Variants in LGSN observed in about 807,000 individuals in gnomAD.
The protein encoded by LGSN is lengsin, lens protein with glutamine synthetase domain.
LGSN carries 21 observed loss-of-function variants against 19.5 expected under a neutral mutation model. The observed-to-expected ratio is 1.07, with a 90% CI of 0.76 to 1.55. The LOEUF (loss-of-function observed/expected upper bound fraction) is 1.55, where lower values mean the gene tolerates loss of function less well. Ranked by LOEUF, LGSN falls within the 40% of genes most tolerant of loss-of-function variation. The pLI is 0.00. For missense variants in LGSN, 673 were observed against 608.5 expected, an observed-to-expected ratio of 1.11 and a Z score of -1.12; for synonymous variants, 257 against 215.6, an observed-to-expected ratio of 1.19 and a Z score of -1.68.
intron 2 of LGSN, among the ~76,000 whole-genome samples, chr6:63,294,044 C>T (rs927420436): frequency 6.6e-6 from 1 of 152,132 alleles, no homozygotes; most frequent in African/African-American, 2.4e-5. Context: ...AATTTAAAAA[C>T]AGGCCAGGTG....
the LGSN span, among the ~76,000 whole-genome samples, chr6:63,530,583 A>G: frequency 9.2e-5 from 14 of 152,204 alleles, no homozygotes; most frequent in Non-Finnish European, 1.0e-4. Flanking sequence ...ATTTGTGAAC[A>G]TGGAGGCCCT....
At chr6:63,385,690 A>C in the LGSN span, among the ~76,000 whole-genome samples, 1 of 152,154 alleles carries the variant, frequency 6.6e-6, no homozygotes, top group African/African-American at 2.4e-5. Context: ...TAGACTCTCA[A>C]TTGTCCCCTA....
chr6:63,521,128 T>C, the LGSN span, among the ~76,000 whole-genome samples: 12 of 151,760 alleles, frequency 7.9e-5, no homozygotes, highest in Non-Finnish European at 1.5e-4. Flanking sequence ...GCTTAAAACC[T>C]AGATGAGGGG....
the LGSN span, among the ~76,000 whole-genome samples, chr6:63,545,228 T>C: frequency 1.3e-5 from 2 of 152,230 alleles, no homozygotes; most frequent in Non-Finnish European, 2.9e-5. Flanking sequence ...TGGAAGTCTC[T>C]TCAAGCAGAT....
chr6:63,572,465 T>C, the LGSN span: 1 of 384,916 alleles, frequency 2.6e-6, no homozygotes, highest in Non-Finnish European at 4.6e-6. Flanking sequence ...AGGGGAGGGC[T>C]TGTGACGCAA....
chr6:63,345,070 T>G, the LGSN span, among the ~76,000 whole-genome samples: 1 of 152,038 alleles, frequency 6.6e-6, no homozygotes, highest in Non-Finnish European at 1.5e-5. Flanking sequence ...AAATAAGAGA[T>G]TTACAATTGC....
At chr6:63,534,450 GAA>G in the LGSN span, among the ~76,000 whole-genome samples, 1 of 115,382 alleles carries the variant, frequency 8.7e-6, no homozygotes, top group African/African-American at 3.9e-5. Context: ...CACACACAGA[GAA>G]ACACACACAC....
At chr6:63,447,060 A>T in the LGSN span, among the ~76,000 whole-genome samples, 5 of 152,350 alleles carry the variant, frequency 3.3e-5, no homozygotes, top group Admixed American at 6.5e-5. Flanking sequence ...AAAAAAATTA[A>T]AAAAAAGTTA....
chr6:63,513,942 G>T, the LGSN span, among the ~76,000 whole-genome samples: 1 of 146,058 alleles, frequency 6.8e-6, no homozygotes, highest in Non-Finnish European at 1.5e-5. Context: ...AAAAACACTG[G>T]AAAACAGACA....
the LGSN span, among the ~76,000 whole-genome samples, chr6:63,524,777 T>A: frequency 4.7e-3 from 710 of 152,318 alleles, 8 homozygotes; most frequent in African/African-American, 0.016. Flanking sequence ...ATTGTATATA[T>A]TATCTCATTC....
chr6:63,516,654 T>C, the LGSN span, among the ~76,000 whole-genome samples: 1 of 152,242 alleles, frequency 6.6e-6, no homozygotes, highest in Non-Finnish European at 1.5e-5. Context: ...AACAGAATCT[T>C]AGTTCTTAGC....
chr6:63,358,360 T>G, the LGSN span, among the ~76,000 whole-genome samples: 1 of 152,234 alleles, frequency 6.6e-6, no homozygotes, highest in Admixed American at 6.5e-5. Context: ...TTTTTCCAAT[T>G]CTGTGAAGAA....
At chr6:63,570,308 G>A in the LGSN span, among the ~76,000 whole-genome samples, 1 of 152,154 alleles carries the variant, frequency 6.6e-6, no homozygotes, top group African/African-American at 2.4e-5. Context: ...TCCAACCTGG[G>A]CAAAAGAGCA....
the LGSN span, among the ~76,000 whole-genome samples, chr6:63,565,588 G>T: frequency 1.3e-5 from 2 of 152,102 alleles, no homozygotes; most frequent in African/African-American, 4.8e-5. Context: ...TACATCTGTA[G>T]TACCCTCCTA....
the LGSN span, among the ~76,000 whole-genome samples, chr6:63,413,069 A>T: frequency 1.3e-5 from 2 of 152,346 alleles, no homozygotes; most frequent in East Asian, 3.9e-4. Flanking sequence ...TAATCCCTAT[A>T]AACCATTATA....
the LGSN span, among the ~76,000 whole-genome samples, chr6:63,557,897 T>C: frequency 2.3e-4 from 34 of 148,872 alleles, no homozygotes; most frequent in Admixed American, 6.1e-4. Flanking sequence ...AACATATGCT[T>C]TTTTTTTTTT....
the LGSN span, among the ~76,000 whole-genome samples, chr6:63,346,641 T>C: frequency 6.6e-6 from 1 of 152,142 alleles, no homozygotes; most frequent in Non-Finnish European, 1.5e-5. Flanking sequence ...TCCCAATTCA[T>C]AGCCAGCCGG....
chr6:63,328,375 G>A, the LGSN span, among the ~76,000 whole-genome samples: 7 of 152,276 alleles, frequency 4.6e-5, no homozygotes, highest in East Asian at 3.9e-4. Context: ...TGAGGGCCAC[G>A]CACATGCATA....
chr6:63,468,584 C>T, the LGSN span, among the ~76,000 whole-genome samples: 1 of 148,724 alleles, frequency 6.7e-6, no homozygotes, highest in Non-Finnish European at 1.5e-5. Flanking sequence ...CGTGCCACCA[C>T]ACCTGCCTAA....
Sources: gnomAD v4.1 joint callset for allele counts (sites outside exome capture counted in the v4.1 genomes callset) on GRCh38, gnomAD v4.1.1 for gene constraint, MANE v1.5 for transcripts, NCBI Gene and HGNC (gene_info 2026-07-23, HGNC 2026-07-21) for gene names.